ACSL3: variants seen among roughly 807,000 people sequenced by gnomAD.
ACSL3 encodes fatty acid CoA ligase Acsl3.
Under a neutral mutation model 84.7 loss-of-function variants are expected in ACSL3, and 34 were observed. That is an observed-to-expected ratio of 0.40 (90% confidence interval 0.31 to 0.53). The LOEUF (loss-of-function observed/expected upper bound fraction) is 0.53. ACSL3 is among the 20% of genes least tolerant of loss of function. ACSL3 has a pLI of 0.48. For missense variants in ACSL3, 680 were observed against 873.1 expected (o/e 0.78, Z 2.79); for synonymous variants, 315 against 299.4 (o/e 1.05, Z -0.54).
At chr2:222,927,337 T>G in intron 12 of ACSL3, 148 bp downstream of exon 12, 2 of 785,010 alleles carry the variant, frequency 2.5e-6, no homozygotes, top group Non-Finnish European at 3.8e-6. Flanking sequence ...ATCATTGATA[T>G]CAATTTTTAG....
chr2:222,939,629 T>C (rs1460151861), intron 16 of ACSL3, among the ~76,000 whole-genome samples: 3 of 152,170 alleles, frequency 2.0e-5, no homozygotes, highest in Non-Finnish European at 4.4e-5. Context: ...AGGGATTTCT[T>C]CCCTATTACT....
intron 1 of ACSL3, among the ~76,000 whole-genome samples, chr2:222,873,885 G>GT (rs139270735): frequency 0.087 from 13,302 of 152,246 alleles, 698 homozygotes; most frequent in Non-Finnish European, 0.12. Context: ...AAGTGGAATT[G>GT]TTTGGTCAAA....
At chr2:222,914,013 G>C (rs1041709689) in intron 4 of ACSL3, among the ~76,000 whole-genome samples, 4 of 152,040 alleles carry the variant, frequency 2.6e-5, no homozygotes, top group African/African-American at 9.7e-5. Flanking sequence ...TTACTCTGTG[G>C]CTCCCCTCAG....
chr2:222,921,107 A>G (rs775304066), intron 7 of ACSL3, 173 bp from the exon 8 acceptor site: 2 of 744,520 alleles, frequency 2.7e-6, no homozygotes, highest in Non-Finnish European at 4.8e-6. Context: ...TATATCTCCC[A>G]TACGTGCAGG....
At chr2:222,881,534 G>A (rs1448152542) in intron 1 of ACSL3, among the ~76,000 whole-genome samples, 2 of 152,224 alleles carry the variant, frequency 1.3e-5, no homozygotes, top group African/African-American at 4.8e-5. Flanking sequence ...CCCCACCCCT[G>A]AGATGGAGTT....
chr2:222,869,303 C>G (rs1194749571), intron 1 of ACSL3, among the ~76,000 whole-genome samples: 1 of 152,156 alleles, frequency 6.6e-6, no homozygotes, highest in African/African-American at 2.4e-5. Flanking sequence ...CAATTCTTAC[C>G]TCACAAGGTT....
At chr2:222,903,357 G>C (rs1429136368) in intron 3 of ACSL3, among the ~76,000 whole-genome samples, 2 of 152,150 alleles carry the variant, frequency 1.3e-5, no homozygotes, top group Non-Finnish European at 2.9e-5. Context: ...TCCCAGGCTG[G>C]TCTCAAACTT....
At chr2:222,879,896 C>CT (rs879514603) in intron 1 of ACSL3, among the ~76,000 whole-genome samples, 3,736 of 144,046 alleles carry the variant, frequency 0.026, 125 homozygotes, top group African/African-American at 0.078. Flanking sequence ...AATAATAAAC[C>CT]TTTTTTTTTT....
intron 1 of ACSL3, among the ~76,000 whole-genome samples, chr2:222,867,189 T>G (rs1458268706): frequency 6.6e-6 from 1 of 152,154 alleles, no homozygotes; most frequent in Non-Finnish European, 1.5e-5. Context: ...CCCTTTAACC[T>G]TACTTCGCAG....
intron 1 of ACSL3, among the ~76,000 whole-genome samples, chr2:222,886,544 TA>T (rs1425186837): frequency 2.0e-5 from 3 of 152,232 alleles, no homozygotes; most frequent in Non-Finnish European, 4.4e-5. Context: ...AATATATTCT[TA>T]AAAATAACTA....
In ACSL3 at chr2:222,909,068, T is replaced by G. The variant is rs1330185526; in HGVS notation, c.296T>G (p.Phe99Cys). The change falls in exon 4 of 17, where the codon TTT (phenylalanine) becomes TGT (cysteine). Residue 99 changes from phenylalanine (F) to cysteine (C), a missense_variant. Physicochemically the swap from Phe to Cys is radical, Grantham distance 205. Transcript: ENST00000357430. ...GTTTTTACATATGCAAAAAACAAAT[T>G]TAAGAACAAAAGACTCTTGGGAACA... ...DKVFTYAKNK[F>C]KNKRLLGTRE... The G allele has an allele frequency of 1.9e-6, 3 of 1,612,100 alleles. No individual in the cohort carries two copies. Among genetic ancestry groups the G allele is most frequent in the South Asian group, 2.2e-5 (2 of 90,260 alleles).
At chr2:222,918,932 A>G in intron 6 of ACSL3, 132 bp from the exon 7 acceptor site, 1 of 989,422 alleles carries the variant, frequency 1.0e-6, no homozygotes, top group Middle Eastern at 2.2e-4. Context: ...ATATTATGCC[A>G]GTGTACCCTT....
Position 222,908,488 on chromosome 2 carries a change from G to A in ACSL3, c.-40-245G>A, listed in dbSNP as rs553169086. Among the ~76,000 whole-genome samples the A allele has an allele frequency of 4.6e-5, 7 of 152,118 alleles. 1 individual carries two copies. The highest frequency in any genetic ancestry group is 7.4e-5 in the Non-Finnish European group (5 of 68,026). ...CTTTTTACTACTGGGAAATGTTTGT[G>A]GATACTTAAGGTTTTGGTTGGAACA... is the stretch of plus-strand genomic sequence containing the variant. On this transcript the variant is annotated intron_variant, in intron 3 of 16. Coordinates refer to ENST00000357430, the MANE Select transcript of ACSL3 (RefSeq NM_004457.5).
intron 16 of ACSL3, among the ~76,000 whole-genome samples, chr2:222,935,577 C>T (rs549996471): frequency 1.3e-5 from 2 of 152,248 alleles, no homozygotes; most frequent in East Asian, 3.9e-4. Context: ...TAAGTCAGCC[C>T]TGTGGTACAT....
intron 4 of ACSL3, among the ~76,000 whole-genome samples, chr2:222,915,310 AATTT>A (rs765057170): frequency 2.0e-5 from 3 of 149,434 alleles, no homozygotes; most frequent in Non-Finnish European, 4.5e-5. Context: ...TCAAAATAAA[AATTT>A]ATTTCTTAAA....
At chr2:222,921,550 C>A in intron 8 of ACSL3, 120 bp downstream of exon 8, 2 of 962,320 alleles carry the variant, frequency 2.1e-6, no homozygotes, top group Non-Finnish European at 2.9e-6. Flanking sequence ...TTGTAGTAGG[C>A]ATTTCCTTAA....
At chr2:222,931,457 A>C (rs1697028409) in intron 14 of ACSL3, among the ~76,000 whole-genome samples, 1 of 151,534 alleles carries the variant, frequency 6.6e-6, no homozygotes, top group African/African-American at 2.4e-5. Flanking sequence ...CTGTCTTGCT[A>C]ACTAGAAACC....
chr2:222,862,932 G>C (rs2106075933), intron 1 of ACSL3, among the ~76,000 whole-genome samples: 1 of 152,266 alleles, frequency 6.6e-6, no homozygotes, highest in East Asian at 1.9e-4. Flanking sequence ...AAATTATAAG[G>C]GGAAAATCAT....
intron 16 of ACSL3, among the ~76,000 whole-genome samples, chr2:222,937,937 TTTTATC>T (rs1559305924): frequency 6.6e-6 from 1 of 152,144 alleles, no homozygotes; most frequent in Non-Finnish European, 1.5e-5. Flanking sequence ...TTCCCTTGTC[TTTTATC>T]TTTGTGTATG....
Sources: allele counts gnomAD v4.1 joint callset (sites outside exome capture counted in the v4.1 genomes callset), GRCh38; gene constraint gnomAD v4.1.1; transcripts MANE v1.5; gene names NCBI Gene and HGNC (gene_info 2026-07-23, HGNC 2026-07-21).